The following FGD5 variants were observed in gnomAD, a reference collection of about 807,000 sequenced individuals.
FGD5 encodes the protein FYVE, RhoGEF and PH domain containing 5.
In FGD5, 28 loss-of-function variants were observed where a neutral mutation model predicts 133.4. That is an observed-to-expected ratio of 0.21 (90% CI 0.16 to 0.29). The LOEUF (loss-of-function observed/expected upper bound fraction) is 0.29. FGD5 is among the 10% of genes least tolerant of loss of function. The probability of loss-of-function intolerance (pLI) is 1.00; values close to 1 mark genes in which losing one functional copy is unlikely to be tolerated. For synonymous variants in FGD5, 810 were observed against 776.5 expected (o/e 1.04, Z -0.72); for missense variants, 1,858 against 1,895.2 (o/e 0.98, Z 0.36).
intron 11 of FGD5, among the ~76,000 whole-genome samples, chr3:14,911,971 G>T (rs1312756589): frequency 1.3e-5 from 2 of 151,902 alleles, no homozygotes; most frequent in Non-Finnish European, 2.9e-5. Context: ...AGTTTGGCAG[G>T]TGCACCAAGG....
At chr3:14,932,460 G>A in intron 18 of FGD5, 117 bp from the exon 19 acceptor site, 1 of 1,209,004 alleles carries the variant, frequency 8.3e-7, no homozygotes, top group South Asian at 1.6e-5. Context: ...TGAGCCCGAA[G>A]GTGCCAAAGC....
intron 1 of FGD5, among the ~76,000 whole-genome samples, chr3:14,839,710 A>T (rs2036881476): frequency 6.6e-6 from 1 of 152,140 alleles, no homozygotes. Flanking sequence ...AGGCGGGTGG[A>T]TCACGAGGTC....
At chr3:14,832,626 T>C (rs2036738100) in intron 1 of FGD5, among the ~76,000 whole-genome samples, 1 of 152,202 alleles carries the variant, frequency 6.6e-6, no homozygotes, top group South Asian at 2.1e-4. Context: ...AGTGGCGGCA[T>C]GACTTTTAAG....
intron 19 of FGD5, 123 bp downstream of exon 19, chr3:14,932,854 T>C (rs907308610): frequency 1.7e-6 from 2 of 1,163,784 alleles, no homozygotes. Context: ...CTTTGGGCCA[T>C]AGCAGAACTG....
rs569970576 is a variant in FGD5, at chr3:14,839,704, G to A, written c.2525+18108G>A. 3.9e-5 allele frequency among the ~76,000 whole-genome samples: 6 copies of A among 152,206 alleles called. No individual in the cohort carries two copies. The East Asian group carries it at 5.8e-4, about 15-fold the overall frequency. On this transcript the variant is annotated intron_variant, in intron 1 of 19. Transcript: ENST00000285046. ...TCCCAGCACTTTGGGAGGCCGAGGC[G>A]GGTGGATCACGAGGTCAGGAGATCG...
At chr3:14,925,117 A>C (rs1046089045) in intron 17 of FGD5, among the ~76,000 whole-genome samples, 11 of 145,714 alleles carry the variant, frequency 7.5e-5, no homozygotes, top group Non-Finnish European at 1.6e-4. Flanking sequence ...AAAAAAAAAA[A>C]AAAAAAAAAA....
intron 18 of FGD5, among the ~76,000 whole-genome samples, chr3:14,930,182 T>C (rs1397140107): frequency 2.6e-5 from 4 of 152,260 alleles, no homozygotes; most frequent in Non-Finnish European, 4.4e-5. Flanking sequence ...TTCTGGACTT[T>C]CCATTGTGTT....
rs370171670 is a variant in FGD5, at chr3:14,929,904, GC to G, written c.4198-2672del. Among the ~76,000 whole-genome samples, 44 of 152,298 alleles carry G rather than the reference GC, an allele frequency of 2.9e-4. 1 individual carries two copies. In the East Asian group the frequency reaches 8.3e-3, roughly 29 times the overall value. On this transcript the variant is annotated intron_variant, in intron 18 of 19. Coordinates refer to ENST00000285046, the MANE Select transcript of FGD5 (RefSeq NM_152536.4). ...GTCAGTGTTTCCTTTTATGACTGTT[GC>G]TTTCTGTGTGCTAAGGCATTTTTGT... is the stretch of plus-strand genomic sequence containing the variant.
chr3:14,892,864 C>T (rs1405194588), intron 4 of FGD5, among the ~76,000 whole-genome samples: 1 of 151,934 alleles, frequency 6.6e-6, no homozygotes, highest in South Asian at 2.1e-4. Context: ...TGTCTAGTAG[C>T]GGGGTGAAAT....
chr3:14,868,328 G>C (rs1012786759), intron 2 of FGD5, among the ~76,000 whole-genome samples: 1 of 151,758 alleles, frequency 6.6e-6, no homozygotes, highest in Non-Finnish European at 1.5e-5. Context: ...GCCTGTTTCT[G>C]GAACAGACCC....
intron 9 of FGD5, 74 bp downstream of exon 9, chr3:14,901,135 C>A: frequency 6.7e-7 from 1 of 1,490,792 alleles, no homozygotes; most frequent in Non-Finnish European, 9.4e-7. Flanking sequence ...GGTCAGCCTT[C>A]TGATGCCCCA....
Position 14,923,957 on chromosome 3 carries a change from G to A in FGD5, c.3938-51G>A, listed in dbSNP as rs567773394. 9.3e-5 allele frequency: 150 copies of A among 1,608,316 alleles called. 1 individual carries two copies. The South Asian group carries it at 1.5e-3, about 16-fold the overall frequency. ...ACAGGAATCAGTGTTCCAAAGACAA[G>A]CCGCAGGCACGCCTCTCACCTCCCT... On this transcript the variant is annotated intron_variant, in intron 16 of 19. Transcript: ENST00000285046.
intron 1 of FGD5, among the ~76,000 whole-genome samples, chr3:14,841,334 A>G (rs956612503): frequency 6.6e-6 from 1 of 152,220 alleles, no homozygotes; most frequent in Admixed American, 6.5e-5. Flanking sequence ...TTAAAGTGTT[A>G]CATGCAGGAT....
At chr3:14,898,861 G>T (rs780205998) in intron 7 of FGD5, 35 bp downstream of exon 7, 1 of 1,542,602 alleles carries the variant, frequency 6.5e-7, no homozygotes, top group African/African-American at 1.4e-5. Flanking sequence ...GGACTGAGGC[G>T]GCAGGGCAGG....
At chr3:14,843,130 C>T (rs1010920258) in intron 1 of FGD5, among the ~76,000 whole-genome samples, 1 of 152,168 alleles carries the variant, frequency 6.6e-6, no homozygotes, top group Admixed American at 6.5e-5. Context: ...CTTATTTTCT[C>T]ATGTTTGACA....
chr3:14,853,136 A>G (rs2037199991), intron 1 of FGD5, among the ~76,000 whole-genome samples: 1 of 152,022 alleles, frequency 6.6e-6, no homozygotes, highest in Admixed American at 6.6e-5. Context: ...CCGTGGTCCC[A>G]GTTACAGTGC....
At chr3:14,839,132 G>T (rs1183052950) in intron 1 of FGD5, among the ~76,000 whole-genome samples, 1 of 151,764 alleles carries the variant, frequency 6.6e-6, no homozygotes. Flanking sequence ...AGCACCTCCT[G>T]TCTGTTTCTC....
At position 14,819,356 on chromosome 3, in the gene FGD5, T is replaced by C. The variant is rs1201010261; in HGVS notation, c.285T>C (p.Ser95=). Residue 95 remains serine (S), a synonymous_variant, in exon 1 of 20, where the codon TCT becomes TCC. Transcript: ENST00000285046. This position sits in a 1 kb window ranked among gnomAD's most constrained non-coding sequence, Gnocchi z 4.1. The stretch of plus-strand genomic sequence containing the variant: ...AAGCCCTGGTGTCTCCCGAGTCCTC[T>C]GCGGAAGAGGAAGAGGAGCGTGAAG... The part of the protein sequence containing the change: ...GNKALVSPES[S]AEEEEEREEG... 1.3e-6 allele frequency: 2 copies of C among 1,547,640 alleles called. No individual in the cohort carries two copies. The highest frequency in any genetic ancestry group is 1.7e-6 in the Non-Finnish European group (2 of 1,145,290).
intron 9 of FGD5, among the ~76,000 whole-genome samples, chr3:14,906,797 C>T (rs780771698): frequency 2.4e-4 from 37 of 152,216 alleles, no homozygotes; most frequent in Non-Finnish European, 4.7e-4. Context: ...CCTTTGTGGA[C>T]GGGCTTGCCA....
Sources: gnomAD v4.1 joint callset for allele counts (sites outside exome capture counted in the v4.1 genomes callset) on GRCh38, gnomAD v4.1.1 for gene constraint, Gnocchi (gnomAD v3.1) non-coding constraint, MANE v1.5 for transcripts, NCBI Gene and HGNC (gene_info 2026-07-23, HGNC 2026-07-21) for gene names.